RBBP7: variants seen among roughly 807,000 people sequenced by gnomAD.
RBBP7 encodes histone-binding protein RBBP7.
A neutral mutation model predicts 35.2 loss-of-function variants in RBBP7; 5 were observed. The observed-to-expected ratio is 0.14, with a 90% CI of 0.07 to 0.30. The LOEUF (loss-of-function observed/expected upper bound fraction) is 0.30. RBBP7 is among the 10% of genes least tolerant of loss of function. The pLI, the probability that RBBP7 is intolerant of heterozygous loss-of-function variation, is 1.00. For missense variants in RBBP7, 155 were observed against 327.5 expected (o/e 0.47, Z 4.07); for synonymous variants, 140 against 118.7 (o/e 1.18, Z -1.17).
intron 2 of RBBP7, among the ~76,000 whole-genome samples, chrX:16,865,087 A>C (rs925915372): frequency 5.8e-5 from 6 of 104,014 alleles, no homozygotes; most frequent in Admixed American, 1.1e-4. Context: ...AAAAAAAAAA[A>C]AAAGAATAAA....
At chrX:16,869,278 T>C (rs947368645) in intron 1 of RBBP7, 58 bp from the exon 2 acceptor site, 10 of 1,159,191 alleles carry the variant, frequency 8.6e-6, no homozygotes, top group Admixed American at 4.9e-5. Context: ...AAGTCAGAAA[T>C]TGGAGGTCAC....
At chrX:16,862,900 T>C in intron 3 of RBBP7, 55 bp downstream of exon 3, 2 of 1,160,530 alleles carry the variant, frequency 1.7e-6, no homozygotes, top group Non-Finnish European at 2.3e-6. Context: ...TAGCATATGC[T>C]TTGAAAGAGA....
chrX:16,848,433 T>A (rs1437272168), intron 10 of RBBP7: 1 of 111,968 alleles, frequency 8.9e-6, no homozygotes, highest in African/African-American at 3.2e-5. Flanking sequence ...AGTGAACATC[T>A]TCTGTGTGCA....
rs144856623 is a variant in RBBP7, at chrX:16,858,677, T to C, written c.480A>G (p.Pro160=). ...VFDYTKHPAK[P]DPSGECNPDL... ...TGACCTAACTCTATTATTACATACC[T>C]GGTTTAGCAGGGTGTTTTGTATAGT... The change falls in exon 4 of 12, where the codon CCA becomes CCG. Residue 160 remains proline (P), a splice_region_variant and synonymous_variant. Coordinates refer to ENST00000380087, the MANE Select transcript of RBBP7 (RefSeq NM_002893.4). 3 of 1,209,319 alleles carry C rather than the reference T, an allele frequency of 2.5e-6. No homozygotes were observed. The highest frequency in any genetic ancestry group is 3.4e-6 in the Non-Finnish European group (3 of 894,024).
intron 1 of RBBP7, 111 bp from the exon 2 acceptor site, chrX:16,869,331 A>T: frequency 9.4e-7 from 1 of 1,065,642 alleles, no homozygotes; most frequent in Non-Finnish European, 1.3e-6. Context: ...TTTTACCTCT[A>T]ATTTGGACAC....
At position 16,864,272 on chromosome X, in the gene RBBP7, C is replaced by A. The variant is rs1930544740; in HGVS notation, c.162-1172G>T. Among the ~76,000 whole-genome samples, 3 of 110,761 alleles carry A rather than the reference C, an allele frequency of 2.7e-5. No homozygotes were observed. In the South Asian group the frequency reaches 1.1e-3, roughly 42 times the overall value. Reference sequence around the variant, plus strand: ...CCGTGGCTCACGCCTGTAATCCCAGCACTTTAGGAGGCCAAGGCAGGCGGA... The same window carrying A: ...CCGTGGCTCACGCCTGTAATCCCAGAACTTTAGGAGGCCAAGGCAGGCGGA... On this transcript the variant is annotated intron_variant, in intron 2 of 11. Transcript: ENST00000380087.
In RBBP7 at chrX:16,859,858, C is replaced by T. The variant is rs781755027; in HGVS notation, c.308-1009G>A. On this transcript the variant is annotated intron_variant, in intron 3 of 11. Coordinates refer to ENST00000380087, the MANE Select transcript of RBBP7 (RefSeq NM_002893.4). ...ACCATTTCTCAGTTCCAGGCAGCTCCTTCTATGTGGAATGCTTAATGAACA... is the reference window on the plus strand; with the variant it reads ...ACCATTTCTCAGTTCCAGGCAGCTCTTTCTATGTGGAATGCTTAATGAACA... 3.6e-5 allele frequency among the ~76,000 whole-genome samples: 4 copies of T among 111,347 alleles called. No homozygotes were observed. The South Asian group carries it at 1.5e-3, about 42-fold the overall frequency.
rs1555898345 is a variant in RBBP7, at chrX:16,852,037, G to C, written c.1040+9C>G. On this transcript the variant is annotated intron_variant, in intron 9 of 11. Coordinates refer to ENST00000380087, the MANE Select transcript of RBBP7 (RefSeq NM_002893.4). ...TTATGCAGTATCTTGTCACAGGACT[G>C]TAAGTTACCTTAAATCCCACACATT... 8.4e-7 allele frequency: 1 copy of C among 1,193,988 alleles called. No individual in the cohort carries two copies. The highest frequency in any genetic ancestry group is 1.8e-5 in the South Asian group (1 of 56,239).
At chrX:16,866,148 CAATA>C (rs1192906134) in intron 2 of RBBP7, among the ~76,000 whole-genome samples, 1 of 111,496 alleles carries the variant, frequency 9.0e-6, no homozygotes, top group African/African-American at 3.3e-5. Context: ...TTTAGGTAGA[CAATA>C]AGTTAGTCTC....
chrX:16,850,427 A>G (rs187563810), intron 9 of RBBP7, among the ~76,000 whole-genome samples: 1,996 of 113,004 alleles, frequency 0.018, 41 homozygotes, highest in African/African-American at 0.061. Flanking sequence ...TGGCACCTTC[A>G]GGGGCAATTC....
chrX:16,853,038 C>A, intron 6 of RBBP7, 163 bp from the exon 7 acceptor site: 1 of 785,965 alleles, frequency 1.3e-6, no homozygotes, highest in South Asian at 2.8e-5. Flanking sequence ...CTAAATGATA[C>A]ATTCGAAACC....
chrX:16,853,099 A>T, intron 6 of RBBP7: 3 of 425,709 alleles, frequency 7.0e-6, no homozygotes, highest in Non-Finnish European at 1.2e-5. Flanking sequence ...TTAGATTCCT[A>T]TTTTAATTAC....
At position 16,857,706 on chromosome X, in the gene RBBP7, G is replaced by A. The variant is rs1001791927; in HGVS notation, c.485C>T (p.Pro162Leu). Residue 162 changes from proline to leucine, a missense_variant, in exon 5 of 12, where the codon CCA becomes CTA. Transcript: ENST00000380087. ...DYTKHPAKPD[P>L]SGECNPDLRL... ...GAGATCAGGATTACATTCTCCACTT[G>A]GGTCTAAGAAAAGATGAAAAACATT... 1 of 1,190,368 alleles carries A rather than the reference G, an allele frequency of 8.4e-7. No homozygotes were observed. Among genetic ancestry groups the A allele is most frequent in the Non-Finnish European group, 1.1e-6 (1 of 889,226 alleles).
chrX:16,848,540 G>T (rs181881743), intron 10 of RBBP7: 1 of 111,967 alleles, frequency 8.9e-6, no homozygotes, highest in African/African-American at 3.2e-5. Flanking sequence ...AAAACTCATG[G>T]ACAAAGTACA....
At chrX:16,859,616 T>TA (rs1022919848) in intron 3 of RBBP7, among the ~76,000 whole-genome samples, 9 of 112,341 alleles carry the variant, frequency 8.0e-5, no homozygotes, top group South Asian at 3.6e-4. Context: ...TGCTCATAGA[T>TA]AAAAAAACCT....
Position 16,863,195 on chromosome X carries a change from C to A in RBBP7, c.162-95G>T, listed in dbSNP as rs1339164754. The stretch of plus-strand genomic sequence containing the variant: ...GTTCCCTCAAAATACATTCATATTT[C>A]TTTAGCAAATATATACTTAGCATCA... On this transcript the variant is annotated intron_variant, in intron 2 of 11. Transcript: ENST00000380087. 6.8e-6 allele frequency: 6 copies of A among 887,970 alleles called. No homozygotes were observed. In the Admixed American group the frequency reaches 1.7e-4, roughly 25 times the overall value. The allele number at this position is 887,970 out of a possible 1,213,427, so 73.2% of individuals were successfully genotyped here.
Position 16,852,894 on chromosome X carries a change from G to A in RBBP7, c.759-19C>T, listed in dbSNP as rs1930244506. 1 of 1,210,025 alleles carries A rather than the reference G, an allele frequency of 8.3e-7. No homozygotes were observed. The highest frequency in any genetic ancestry group is 1.1e-6 in the Non-Finnish European group (1 of 895,006). On this transcript the variant is annotated intron_variant, in intron 6 of 11. Transcript: ENST00000380087. ...GTCCCATCTAAAACACAAAGGTAAAGGCACACGGCACCCAGGGATGACACA... is the reference window on the plus strand; with the variant it reads ...GTCCCATCTAAAACACAAAGGTAAAAGCACACGGCACCCAGGGATGACACA...
In RBBP7 at chrX:16,849,800, A is replaced by G. The variant is rs1930172508; in HGVS notation, c.1041-499T>C. On this transcript the variant is annotated intron_variant, in intron 9 of 11. Coordinates refer to ENST00000380087, the MANE Select transcript of RBBP7 (RefSeq NM_002893.4). ...ACATAAACTGATGTGCAATCCCTAT[A>G]CTTCACTCAAAGCCTGTTGCATCCC... Among the ~76,000 whole-genome samples the G allele has an allele frequency of 2.7e-5, 3 of 112,455 alleles. 1 individual carries two copies. The South Asian group carries it at 1.1e-3, about 41-fold the overall frequency.
rs1362994840 is a variant in RBBP7 at position 16,844,513 on chromosome X, A to AACTT, written c.*518_*521dup. 1.8e-5 allele frequency: 2 copies of AACTT among 111,296 alleles called. No homozygotes were observed. The highest frequency in any genetic ancestry group is 3.8e-5 in the Non-Finnish European group (2 of 53,117). The allele number at this position is 111,296 out of a possible 1,213,427, so 9.2% of individuals were successfully genotyped here. The stretch of plus-strand genomic sequence containing the variant: ...ATAGATTAAGTAAATATGTATGATA[A>AACTT]ACTTAACAGCTTCTGTGTATTCTTT... On this transcript the variant is annotated 3_prime_UTR_variant, in exon 12 of 12. Transcript: ENST00000380087.
Sources: gnomAD v4.1 joint callset for allele counts (sites outside exome capture counted in the v4.1 genomes callset) on GRCh38, gnomAD v4.1.1 for gene constraint, MANE v1.5 for transcripts, NCBI Gene and HGNC (gene_info 2026-07-23, HGNC 2026-07-21) for gene names.